The following PLOD2 variants were observed in gnomAD, a reference collection of about 807,000 sequenced individuals.
PLOD2 encodes the protein procollagen-lysine,2-oxoglutarate 5-dioxygenase 2, also known as lysine hydroxylase 2.
Under a neutral mutation model 101.0 loss-of-function variants are expected in PLOD2, and 65 were observed. The ratio of observed to expected loss-of-function variants is 0.64; its 90% CI spans 0.53 to 0.79. The LOEUF (loss-of-function observed/expected upper bound fraction) is 0.79. Among genes scored for constraint, PLOD2 ranks in the 30% least tolerant of loss-of-function variants. The pLI, the probability that PLOD2 is intolerant of heterozygous loss-of-function variation, is 0.00. For missense variants in PLOD2, 909 were observed against 914.6 expected (o/e 0.99, Z 0.08); for synonymous variants, 314 against 302.9 (o/e 1.04, Z -0.38).
At chr3:146,103,005 A>G (rs983025070) in intron 6 of PLOD2, among the ~76,000 whole-genome samples, 153 bp from the exon 7 acceptor site, 3 of 152,164 alleles carry the variant, frequency 2.0e-5, no homozygotes, top group African/African-American at 7.2e-5. Flanking sequence ...TAGTAACTTC[A>G]TCTACTCCAA....
chr3:146,088,779 AT>A (rs1440341741), intron 8 of PLOD2, 68 bp from the exon 9 acceptor site: 2 of 1,269,428 alleles, frequency 1.6e-6, no homozygotes, highest in Non-Finnish European at 2.3e-6. Flanking sequence ...TTTTATTCAA[AT>A]GTTAATCAGC....
intron 7 of PLOD2, among the ~76,000 whole-genome samples, chr3:146,093,763 A>C (rs1397721443): frequency 6.6e-6 from 1 of 152,204 alleles, no homozygotes; most frequent in African/African-American, 2.4e-5. Flanking sequence ...AATTTATTTC[A>C]TGAGTTATTG....
chr3:146,102,909 G>A, intron 6 of PLOD2, 57 bp from the exon 7 acceptor site: 1 of 875,072 alleles, frequency 1.1e-6, no homozygotes, highest in South Asian at 1.4e-5. Context: ...GTGTGTGTCT[G>A]TATTCGTGTG....
chr3:146,135,302 T>C (rs1012028348), intron 1 of PLOD2, among the ~76,000 whole-genome samples: 5 of 152,246 alleles, frequency 3.3e-5, no homozygotes, highest in Middle Eastern at 3.4e-3. Context: ...TACTAGAAAA[T>C]TGAATCTGTA....
intron 14 of PLOD2, chr3:146,077,219 GAC>G (rs1431521644): frequency 9.9e-7 from 1 of 1,006,452 alleles, no homozygotes; most frequent in Non-Finnish European, 1.2e-6. Flanking sequence ...ATATTTTTGA[GAC>G]ACAGTGCAAT....
intron 3 of PLOD2, among the ~76,000 whole-genome samples, chr3:146,114,118 T>C (rs1434036740): frequency 6.6e-6 from 1 of 152,144 alleles, no homozygotes; most frequent in Non-Finnish European, 1.5e-5. Flanking sequence ...TTGTCTGCTC[T>C]CAAACCCTGT....
intron 14 of PLOD2, chr3:146,077,315 C>T (rs1936382346): frequency 1.3e-5 from 3 of 232,436 alleles, no homozygotes; most frequent in Non-Finnish European, 2.2e-5. Flanking sequence ...TATATTTCAC[C>T]AGTCTGTTTC....
chr3:146,070,537 G>A lies in PLOD2; in HGVS notation c.*180C>T, dbSNP rs534277342. On this transcript the variant is annotated 3_prime_UTR_variant, in exon 20 of 20. Coordinates refer to ENST00000282903, the MANE Select transcript of PLOD2 (RefSeq NM_182943.3). ...AATCTGTGTTTTAAGGCTCAGAGCA[G>A]ACATTAAGAAATATCAAACAATTTT... 2.3e-5 allele frequency: 12 copies of A among 514,808 alleles called. No individual in the cohort carries two copies. The highest frequency in any genetic ancestry group is 3.5e-5 in the Non-Finnish European group (10 of 287,004). 31.9% of individuals were successfully genotyped at this position (514,808 alleles called of 1,614,324 possible).
chr3:146,102,728 G>T, intron 7 of PLOD2, 27 bp downstream of exon 7: 3 of 1,112,134 alleles, frequency 2.7e-6, no homozygotes, highest in Non-Finnish European at 4.2e-6. Flanking sequence ...TCCAAGAATT[G>T]GCCAAATAAA....
chr3:146,123,750 C>CTT (rs34588668), intron 2 of PLOD2, among the ~76,000 whole-genome samples: 1 of 151,266 alleles, frequency 6.6e-6, no homozygotes, highest in African/African-American at 2.4e-5. Context: ...TACATATTAA[C>CTT]TTTTTTTTGC....
intron 3 of PLOD2, among the ~76,000 whole-genome samples, chr3:146,114,363 G>C (rs772868871): frequency 1.3e-5 from 2 of 151,980 alleles, no homozygotes; most frequent in Non-Finnish European, 2.9e-5. Context: ...GTACGTCTCA[G>C]GTATTTCTTA....
Position 146,102,300 on chromosome 3 carries a change from T to G in PLOD2, c.777+455A>C, listed in dbSNP as rs73148946. Among the ~76,000 whole-genome samples, 1,031 of 152,312 alleles carry G rather than the reference T, an allele frequency of 6.8e-3. 9 individuals carry two copies. Among genetic ancestry groups the G allele is most frequent in the Non-Finnish European group, 0.012 (783 of 68,026 alleles). ...GCATCCAAAATTTTATTGGTCAAAT[T>G]ATGTCACTTTCATTAACTGTAGTTA... On this transcript the variant is annotated intron_variant, in intron 7 of 19. Coordinates refer to ENST00000282903, the MANE Select transcript of PLOD2 (RefSeq NM_182943.3).
intron 7 of PLOD2, among the ~76,000 whole-genome samples, chr3:146,098,548 A>T (rs1249000463): frequency 6.6e-6 from 1 of 152,156 alleles, no homozygotes; most frequent in Non-Finnish European, 1.5e-5. Context: ...ATAAAAACTG[A>T]AAACAGCTAT....
intron 11 of PLOD2, among the ~76,000 whole-genome samples, chr3:146,083,306 A>G (rs1936628018): frequency 1.3e-5 from 2 of 152,198 alleles, no homozygotes; most frequent in South Asian, 4.1e-4. Context: ...GGGAGAGAAG[A>G]GGAAAAAAGA....
chr3:146,085,875 T>C (rs1169928091), intron 10 of PLOD2: 1 of 152,642 alleles, frequency 6.6e-6, no homozygotes, highest in Non-Finnish European at 1.5e-5. Context: ...TCACTGTCGG[T>C]CCCAGTCAGC....
intron 10 of PLOD2, chr3:146,086,528 A>G (rs1225685905): frequency 4.6e-6 from 1 of 219,528 alleles, no homozygotes; most frequent in Non-Finnish European, 8.9e-6. Context: ...CATTTAAAAA[A>G]AATTGATCTT....
intron 11 of PLOD2, among the ~76,000 whole-genome samples, chr3:146,082,182 T>C (rs922990740): frequency 5.9e-5 from 9 of 152,214 alleles, no homozygotes; most frequent in Non-Finnish European, 1.0e-4. Flanking sequence ...ACTACTTTAG[T>C]TATTTAATTA....
At chr3:146,160,701 A>ACTT in intron 1 of PLOD2, 180 bp downstream of exon 1, 1 of 579,778 alleles carries the variant, frequency 1.7e-6, no homozygotes, top group Non-Finnish European at 3.1e-6. Context: ...GTGCCCCTAC[A>ACTT]CTTCCCCAGG....
At chr3:146,085,317 A>G (rs777183913) in intron 10 of PLOD2, 44 bp from the exon 11 acceptor site, 7 of 932,996 alleles carry the variant, frequency 7.5e-6, no homozygotes, top group East Asian at 7.3e-5. Context: ...CATAAAATAA[A>G]TATCTGCTGA....
Sources: gnomAD v4.1 joint callset for allele counts (sites outside exome capture counted in the v4.1 genomes callset) on GRCh38, gnomAD v4.1.1 for gene constraint, MANE v1.5 for transcripts, NCBI Gene and HGNC (gene_info 2026-07-23, HGNC 2026-07-21) for gene names.